The following MESP2 variants were observed in gnomAD, a reference collection of about 807,000 sequenced individuals.
MESP2 encodes mesoderm posterior protein 2.
In MESP2, 34 loss-of-function variants were observed where a neutral mutation model predicts 37.8. The observed-to-expected ratio is 0.90, with a 90% CI of 0.68 to 1.20. The LOEUF (loss-of-function observed/expected upper bound fraction) is 1.20, where lower values mean the gene tolerates loss of function less well. MESP2 is among the 50% of genes most tolerant of loss of function. The pLI, the probability that MESP2 is intolerant of heterozygous loss-of-function variation, is 0.00. For synonymous variants in MESP2, 303 were observed against 251.6 expected (o/e 1.20, Z -1.93); for missense variants, 646 against 545.3 (o/e 1.18, Z -1.84).
Position 89,776,455 on chromosome 15 carries a change from C to G in MESP2, c.98C>G (p.Pro33Arg). The change falls in exon 1 of 2, where the codon CCG (proline) becomes CGG (arginine). Residue 33 changes from proline (P) to arginine (R), a missense_variant. Pro to Arg is a moderately radical substitution (Grantham distance 103). Coordinates refer to ENST00000341735, the MANE Select transcript of MESP2 (RefSeq NM_001039958.2). ...GCCGGCCACTGGGACTCCACGTCCC[C>G]GGCCTCCTCCTCCGATTCGTCGGGT... ...GWAGHWDSTS[P>R]ASSSDSSGSC... 1.3e-6 allele frequency: 2 copies of G among 1,534,366 alleles called. No individual in the cohort carries two copies.
Position 89,778,448 on chromosome 15 carries a change from A to C in MESP2, c.*114A>C. ...CCTTTAGCCAAGGCTCCCTTTTTCCAAGTGATGTCTTTCAGGGAAGCAGTG... is the reference window on the plus strand; with the variant it reads ...CCTTTAGCCAAGGCTCCCTTTTTCCCAGTGATGTCTTTCAGGGAAGCAGTG... On this transcript the variant is annotated 3_prime_UTR_variant, in exon 2 of 2. Transcript: ENST00000341735. 2 of 1,345,772 alleles carry C rather than the reference A, an allele frequency of 1.5e-6. No homozygotes were observed. Among genetic ancestry groups the C allele is most frequent in the Non-Finnish European group, 2.1e-6 (2 of 956,996 alleles). The allele number at this position is 1,345,772 out of a possible 1,614,324, so 83.4% of individuals were successfully genotyped here. A position where few individuals can be genotyped will look rare whatever the true frequency, so the allele number is the denominator to read the frequency against.
In MESP2 at chr15:89,776,552, G is replaced by C; in HGVS notation, c.195G>C (p.Glu65Asp). Residue 65 changes from glutamate to aspartate, a missense_variant, in exon 1 of 2, where the codon GAG (glutamate) becomes GAC (aspartate). Transcript: ENST00000341735. ...CGAGCTGCAGCTCCCGAGCCGCAGA[G>C]GCAGCCGCGACGACGCCCAGACGAG... The part of the protein sequence containing the change: ...QPPSCSSRAA[E>D]AAATTPRRAR... 3.3e-6 allele frequency: 5 copies of C among 1,532,384 alleles called. No individual in the cohort carries two copies. Among genetic ancestry groups the C allele is most frequent in the East Asian group, 2.5e-5 (1 of 40,380 alleles). The allele number at this position is 1,532,384 out of a possible 1,614,324, so 94.9% of individuals were successfully genotyped here. A position where few individuals can be genotyped will look rare whatever the true frequency, so the allele number is the denominator to read the frequency against.
At position 89,777,051 on chromosome 15, in the gene MESP2, G is replaced by T; in HGVS notation, c.694G>T (p.Ala232Ser). Residue 232 changes from alanine (A) to serine (S), a missense_variant, in exon 1 of 2, where the codon GCA becomes TCA. Coordinates refer to ENST00000341735, the MANE Select transcript of MESP2 (RefSeq NM_001039958.2). ...GTCCGCCTGCCCCGGAGCCCAAGCC[G>T]CACCCGAGCGCCTGGGGAGGGGGGT... is the stretch of plus-strand genomic sequence containing the variant. Reference protein sequence around the residue: ...SPSACPGAQAAPERLGRGVHD... With the variant: ...SPSACPGAQASPERLGRGVHD... 2.5e-6 allele frequency: 4 copies of T among 1,606,386 alleles called. No homozygotes were observed. The highest frequency in any genetic ancestry group is 3.4e-6 in the Non-Finnish European group (4 of 1,177,436).
At chr15:89,777,529 AG>A (rs1968388101) in intron 1 of MESP2, among the ~76,000 whole-genome samples, 1 of 152,122 alleles carries the variant, frequency 6.6e-6, no homozygotes, top group South Asian at 2.1e-4. Context: ...GGAAAGTAGC[AG>A]GGTGGGCGTG....
rs183255055 is a variant in MESP2 at position 89,778,001 on chromosome 15, G to A, written c.925-64G>A. The A allele has an allele frequency of 1.7e-5, 27 of 1,609,736 alleles. No individual in the cohort carries two copies. The African/African-American group carries it at 2.9e-4, about 17-fold the overall frequency. On this transcript the variant is annotated intron_variant, in intron 1 of 1. Transcript: ENST00000341735. ...CCAGCCATACCATGGCAACCAGCCA[G>A]ATTCAAGATCTCTGGATATCAGGGA...
At position 89,776,663 on chromosome 15, in the gene MESP2, C is replaced by A. The variant is rs77473319; in HGVS notation, c.306C>A (p.His102Gln). ...LRMRTLARAL[H>Q]ELRRFLPPSL... ...TGCGCACGCTGGCCCGCGCCCTGCA[C>A]GAGTTGCGCCGCTTTCTGCCTCCCT... is the stretch of plus-strand genomic sequence containing the variant. The change falls in exon 1 of 2, where the codon CAC (histidine) becomes CAA (glutamine). Residue 102 changes from histidine (H) to glutamine (Q), a missense_variant. Physicochemically the swap from His to Gln is conservative, Grantham distance 24. Transcript: ENST00000341735. The A allele has an allele frequency of 5.0e-4, 766 of 1,537,036 alleles. 11 individuals carry two copies. In the East Asian group the frequency reaches 0.016, roughly 33 times the overall value.
In MESP2 at chr15:89,777,122, A is replaced by C; in HGVS notation, c.765A>C (p.Ile255=). 6.2e-7 allele frequency: 1 copy of C among 1,612,962 alleles called. No homozygotes were observed. Among genetic ancestry groups the C allele is most frequent in the South Asian group, 1.1e-5 (1 of 91,066 alleles). ...PWATPPYCPK[I]QSPPYSSQGT... is the part of the protein sequence containing the mutation. ...CAACACCCCCTTACTGCCCCAAGATACAGTCGCCCCCGTATTCGTCCCAAG... is the reference window on the plus strand; with the variant it reads ...CAACACCCCCTTACTGCCCCAAGATCCAGTCGCCCCCGTATTCGTCCCAAG... Residue 255 remains isoleucine, a synonymous_variant, in exon 1 of 2, where the codon ATA becomes ATC. Coordinates refer to ENST00000341735, the MANE Select transcript of MESP2 (RefSeq NM_001039958.2).
At position 89,778,747 on chromosome 15, in the gene MESP2, A is replaced by C; in HGVS notation, c.*413A>C. Reference sequence around the variant, plus strand: ...TTAAAAAGAAAAAACACACACACACAACAAAAATTTGGTTTGGCCTTGTTT... The same window carrying C: ...TTAAAAAGAAAAAACACACACACACCACAAAAATTTGGTTTGGCCTTGTTT... On this transcript the variant is annotated 3_prime_UTR_variant, in exon 2 of 2. Coordinates refer to ENST00000341735, the MANE Select transcript of MESP2 (RefSeq NM_001039958.2). 1 of 184,656 alleles carries C rather than the reference A, an allele frequency of 5.4e-6. No homozygotes were observed. Among genetic ancestry groups the C allele is most frequent in the Non-Finnish European group, 1.1e-5 (1 of 86,972 alleles). 11.4% of individuals were successfully genotyped at this position (184,656 alleles called of 1,614,324 possible). A position where few individuals can be genotyped will look rare whatever the true frequency, so the allele number is the denominator to read the frequency against.
At chr15:89,777,345 C>A in intron 1 of MESP2, 64 bp downstream of exon 1, 2 of 1,505,220 alleles carry the variant, frequency 1.3e-6, no homozygotes, top group Non-Finnish European at 1.8e-6. Context: ...CGTACTTTTT[C>A]GATCCCAGCT....
rs543667424 is a variant in MESP2 at position 89,778,293 on chromosome 15, CAAG to C, written c.1158_1160del (p.Glu386del). 4 of 1,612,892 alleles carry C rather than the reference CAAG, an allele frequency of 2.5e-6. No individual in the cohort carries two copies. The Admixed American group carries it at 5.0e-5, about 20-fold the overall frequency. ...GTTCAGTGGCTGCCCTGAACTTTGG[CAAG>C]AAGATCTGGAGGGGGCCCGCCTGGG... is the stretch of plus-strand genomic sequence containing the variant. On this transcript the variant is annotated inframe_deletion, in exon 2 of 2. Coordinates refer to ENST00000341735, the MANE Select transcript of MESP2 (RefSeq NM_001039958.2).
rs1320228420 is a variant in MESP2 at position 89,778,101 on chromosome 15, G to A, written c.961G>A (p.Gly321Arg). The A allele has an allele frequency of 1.9e-6, 3 of 1,613,566 alleles. No individual in the cohort carries two copies. The highest frequency in any genetic ancestry group is 1.7e-6 in the Non-Finnish European group (2 of 1,179,956). ...SVSPEPCLSL[G>R]APSLLPHPSC... ...GTCTCCAGAGCCCTGTCTGTCGCTG[G>A]GAGCTCCATCTCTCCTGCCCCACCC... Residue 321 changes from glycine (G) to arginine (R), a missense_variant, in exon 2 of 2, where the codon GGA (glycine) becomes AGA (arginine). By Grantham distance (125) the Gly-to-Arg change is moderately radical. Coordinates refer to ENST00000341735, the MANE Select transcript of MESP2 (RefSeq NM_001039958.2).
In MESP2 at chr15:89,777,284, A is replaced by ACAC. The variant is rs1968385004; in HGVS notation, c.924+3_924+4insCAC. The ACAC allele has an allele frequency of 6.2e-7, 1 of 1,610,052 alleles. No individual in the cohort carries two copies. Among genetic ancestry groups the ACAC allele is most frequent in the Non-Finnish European group, 8.5e-7 (1 of 1,178,856 alleles). ...TGGAGCTGGCCGCAGTGTACCAGGT[A>ACAC]TGTGTGGAGGCCCTTGCTGTGTTCC... On this transcript the variant is annotated splice_donor_region_variant and intron_variant, in intron 1 of 1. Transcript: ENST00000341735.
rs1478738958 is a variant in MESP2, at chr15:89,776,876, G to C, written c.519G>C (p.Ala173=). 2.7e-6 allele frequency: 4 copies of C among 1,456,590 alleles called. No homozygotes were observed. In the South Asian group the frequency reaches 5.7e-5, roughly 21 times the overall value. The allele number at this position is 1,456,590 out of a possible 1,614,324, so 90.2% of individuals were successfully genotyped here. A position where few individuals can be genotyped will look rare whatever the true frequency, so the allele number is the denominator to read the frequency against. ...PLCPDRGPAE[A]QTQAEGQGQG... ...GCCCCGACCGTGGCCCCGCAGAGGC[G>C]CAGACGCAGGCGGAGGGGCAGGGGC... The change falls in exon 1 of 2, where the codon GCG becomes GCC. Residue 173 remains alanine, a synonymous_variant. Coordinates refer to ENST00000341735, the MANE Select transcript of MESP2 (RefSeq NM_001039958.2).
At position 89,776,650 on chromosome 15, in the gene MESP2, C is replaced by T. The variant is rs1223618430; in HGVS notation, c.293C>T (p.Ala98Val). 1.3e-6 allele frequency: 2 copies of T among 1,529,000 alleles called. No homozygotes were observed. The highest frequency in any genetic ancestry group is 2.0e-5 in the Admixed American group (1 of 49,786). The allele number at this position is 1,529,000 out of a possible 1,614,324, so 94.7% of individuals were successfully genotyped here. Residue 98 changes from alanine to valine, a missense_variant, in exon 1 of 2, where the codon GCC becomes GTC. Coordinates refer to ENST00000341735, the MANE Select transcript of MESP2 (RefSeq NM_001039958.2). ...EREKLRMRTLARALHELRRFL... is the reference protein window; with the variant it reads ...EREKLRMRTLVRALHELRRFL... ...GAGAAACTGCGCATGCGCACGCTGG[C>T]CCGCGCCCTGCACGAGTTGCGCCGC...
In MESP2 at chr15:89,776,685, C is replaced by A. The variant is rs1301929001; in HGVS notation, c.328C>A (p.Pro110Thr). 4 of 1,553,762 alleles carry A rather than the reference C, an allele frequency of 2.6e-6. No homozygotes were observed. The highest frequency in any genetic ancestry group is 2.9e-5 in the African/African-American group (2 of 70,156). The change falls in exon 1 of 2, where the codon CCC (proline) becomes ACC (threonine). Residue 110 changes from proline to threonine, a missense_variant. Coordinates refer to ENST00000341735, the MANE Select transcript of MESP2 (RefSeq NM_001039958.2). ...GCACGAGTTGCGCCGCTTTCTGCCTCCCTCCTTGGCGCCGGCCGGCCAGAG... is the reference window on the plus strand; with the variant it reads ...GCACGAGTTGCGCCGCTTTCTGCCTACCTCCTTGGCGCCGGCCGGCCAGAG... Reference protein sequence around the residue: ...ALHELRRFLPPSLAPAGQSLT... With the variant: ...ALHELRRFLPTSLAPAGQSLT...
At chr15:89,777,442 G>C (rs758665258) in intron 1 of MESP2, among the ~76,000 whole-genome samples, 161 bp downstream of exon 1, 1 of 152,206 alleles carries the variant, frequency 6.6e-6, no homozygotes, top group Non-Finnish European at 1.5e-5. Flanking sequence ...GGGAAGTTAA[G>C]GCCATCTCCA....
rs767840955 is a variant in MESP2 at position 89,776,619 on chromosome 15, G to A, written c.262G>A (p.Glu88Lys). 9 of 1,522,326 alleles carry A rather than the reference G, an allele frequency of 5.9e-6. No homozygotes were observed. Among genetic ancestry groups the A allele is most frequent in the Middle Eastern group, 1.7e-4 (1 of 5,826 alleles). The allele number at this position is 1,522,326 out of a possible 1,614,324, so 94.3% of individuals were successfully genotyped here. A position where few individuals can be genotyped will look rare whatever the true frequency, so the allele number is the denominator to read the frequency against. The change falls in exon 1 of 2, where the codon GAG becomes AAG. Residue 88 changes from glutamate to lysine, a missense_variant. By Grantham distance (56) the Glu-to-Lys change is moderately conservative (BLOSUM62 1). Coordinates refer to ENST00000341735, the MANE Select transcript of MESP2 (RefSeq NM_001039958.2). ...GGGCGGACAGCGGCAGAGCGCCAGC[G>A]AGCGGGAGAAACTGCGCATGCGCAC... ...PAGGQRQSASEREKLRMRTLA... is the reference protein window; with the variant it reads ...PAGGQRQSASKREKLRMRTLA...
rs1267847337 is a variant in MESP2, at chr15:89,776,697, C to G, written c.340C>G (p.Pro114Ala). The G allele has an allele frequency of 1.3e-6, 2 of 1,560,082 alleles. No homozygotes were observed. Among genetic ancestry groups the G allele is most frequent in the Non-Finnish European group, 1.7e-6 (2 of 1,159,404 alleles). The change falls in exon 1 of 2, where the codon CCG (proline) becomes GCG (alanine). Residue 114 changes from proline to alanine, a missense_variant. Physicochemically the swap from Pro to Ala is conservative, Grantham distance 27 (BLOSUM62 -1). Coordinates refer to ENST00000341735, the MANE Select transcript of MESP2 (RefSeq NM_001039958.2). ...CCGCTTTCTGCCTCCCTCCTTGGCG[C>G]CGGCCGGCCAGAGCCTGACCAAGAT... ...LRRFLPPSLAPAGQSLTKIET... is the reference protein window; with the variant it reads ...LRRFLPPSLAAAGQSLTKIET...
At position 89,777,110 on chromosome 15, in the gene MESP2, C is replaced by T. The variant is rs768734682; in HGVS notation, c.753C>T (p.Tyr251=). 1.2e-6 allele frequency: 2 copies of T among 1,612,846 alleles called. No homozygotes were observed. The highest frequency in any genetic ancestry group is 1.1e-5 in the South Asian group (1 of 91,050). ...CGGATCCCTGGGCAACACCCCCTTACTGCCCCAAGATACAGTCGCCCCCGT... is the reference window on the plus strand; with the variant it reads ...CGGATCCCTGGGCAACACCCCCTTATTGCCCCAAGATACAGTCGCCCCCGT... The part of the protein sequence containing the change: ...HDTDPWATPP[Y]CPKIQSPPYS... The change falls in exon 1 of 2, where the codon TAC becomes TAT. Residue 251 remains tyrosine, a synonymous_variant. Transcript: ENST00000341735.
Sources: gnomAD v4.1 joint callset for allele counts (sites outside exome capture counted in the v4.1 genomes callset) on GRCh38, gnomAD v4.1.1 for gene constraint, MANE v1.5 for transcripts, NCBI Gene and HGNC (gene_info 2026-07-23, HGNC 2026-07-21) for gene names.